SRGAP3: variants seen among roughly 807,000 people sequenced by gnomAD.
SRGAP3 encodes SLIT-ROBO Rho GTPase-activating protein 3.
In SRGAP3, 39 loss-of-function variants were observed where a neutral mutation model predicts 121.1. The ratio of observed to expected loss-of-function variants is 0.32; its 90% CI spans 0.25 to 0.42. The LOEUF is 0.42. Among genes scored for constraint, SRGAP3 ranks in the 10% least tolerant of loss-of-function variants. The pLI is 1.00. For missense variants in SRGAP3, 1,213 were observed against 1,470.6 expected (o/e 0.82, Z 2.86); for synonymous variants, 601 against 570.0 (o/e 1.05, Z -0.77).
chr3:9,050,908 T>G (rs1341110133), intron 9 of SRGAP3, among the ~76,000 whole-genome samples: 1 of 152,164 alleles, frequency 6.6e-6, no homozygotes, highest in African/African-American at 2.4e-5. Context: ...ACTACTGGTT[T>G]TTGACAAGGG....
At chr3:9,172,908 A>T (rs1475078449) in intron 1 of SRGAP3, among the ~76,000 whole-genome samples, 1 of 152,034 alleles carries the variant, frequency 6.6e-6, no homozygotes, top group African/African-American at 2.4e-5. Flanking sequence ...GGTAGATGAG[A>T]CTCTAGGTGG....
chr3:9,088,536 G>A (rs1002014592), intron 3 of SRGAP3, among the ~76,000 whole-genome samples: 3 of 152,086 alleles, frequency 2.0e-5, no homozygotes, highest in African/African-American at 4.8e-5. Flanking sequence ...GCCTCCACCC[G>A]TGAGAGGCCA....
chr3:9,230,850 C>A (rs1439580590), intron 1 of SRGAP3, among the ~76,000 whole-genome samples: 1 of 144,080 alleles, frequency 6.9e-6, no homozygotes, highest in Non-Finnish European at 1.5e-5. Flanking sequence ...GAGTAAGACC[C>A]TATCTCAAAA....
At chr3:9,217,711 A>ATTGT (rs1221237635) in intron 1 of SRGAP3, 14 of 152,140 alleles carry the variant, frequency 9.2e-5, no homozygotes, top group Non-Finnish European at 1.5e-5. Flanking sequence ...AAATGTCTAC[A>ATTGT]TTGTCCTTAT....
intron 1 of SRGAP3, among the ~76,000 whole-genome samples, chr3:9,190,063 TC>T (rs1448139057): frequency 6.6e-6 from 1 of 152,130 alleles, no homozygotes; most frequent in African/African-American, 2.4e-5. Flanking sequence ...ACAAGAGTGG[TC>T]AAGTAACCCA....
intron 3 of SRGAP3, among the ~76,000 whole-genome samples, chr3:9,084,698 G>A (rs955730339): frequency 3.3e-5 from 5 of 152,126 alleles, no homozygotes; most frequent in African/African-American, 1.2e-4. Flanking sequence ...CATCACCACA[G>A]ACCCAGATTC....
chr3:9,189,739 T>C (rs1283038249), intron 1 of SRGAP3, among the ~76,000 whole-genome samples: 1 of 152,210 alleles, frequency 6.6e-6, no homozygotes, highest in Non-Finnish European at 1.5e-5. Flanking sequence ...CCTTCACATC[T>C]CTGTCATTCC....
intron 3 of SRGAP3, among the ~76,000 whole-genome samples, chr3:9,083,701 C>T (rs1329790988): frequency 1.3e-5 from 2 of 152,230 alleles, no homozygotes; most frequent in African/African-American, 4.8e-5. Context: ...TGTGCTGTCA[C>T]TGTGCATATG....
rs71049772 is a variant in SRGAP3 at position 9,126,618 on chromosome 3, AAACT to A, written c.68-1705_68-1702del. Among the ~76,000 whole-genome samples, 1,227 of 150,868 alleles carry A rather than the reference AAACT, an allele frequency of 8.1e-3. 20 individuals are homozygous for A. Among genetic ancestry groups the A allele is most frequent in the African/African-American group, 0.027 (1,118 of 40,828 alleles). On this transcript the variant is annotated intron_variant, in intron 1 of 21. Coordinates refer to ENST00000383836, the MANE Select transcript of SRGAP3 (RefSeq NM_014850.4). ...GCGACAGAGCAAGACCCTGTCTCAAAAACTAACTAACTAACTAACTAACTAACTA... is the reference window on the plus strand; with the variant it reads ...GCGACAGAGCAAGACCCTGTCTCAAAAACTAACTAACTAACTAACTAACTA...
chr3:9,285,765 C>A (rs1390131248), intron 3 of SRGAP3, among the ~76,000 whole-genome samples: 1 of 114,680 alleles, frequency 8.7e-6, no homozygotes, highest in African/African-American at 3.3e-5. Flanking sequence ...TGACGCCCCA[C>A]CTCAAAAAAA....
At chr3:9,037,375 G>A (rs948438454) in intron 11 of SRGAP3, 2 of 152,712 alleles carry the variant, frequency 1.3e-5, no homozygotes, top group Admixed American at 6.5e-5. Context: ...CTCTCTGAAA[G>A]GGAAGTAAAG....
intron 1 of SRGAP3, among the ~76,000 whole-genome samples, chr3:9,172,880 A>G (rs1054211073): frequency 5.3e-5 from 8 of 152,328 alleles, no homozygotes; most frequent in African/African-American, 1.9e-4. Context: ...GGGCCATTGC[A>G]GAGGCTATGT....
intron 2 of SRGAP3, among the ~76,000 whole-genome samples, chr3:9,114,792 C>A (rs1948746055): frequency 6.6e-6 from 1 of 152,136 alleles, no homozygotes; most frequent in South Asian, 2.1e-4. Flanking sequence ...AGGAAAAGAC[C>A]CCGATCCATG....
At chr3:9,017,958 C>T (rs1943721718) in intron 14 of SRGAP3, among the ~76,000 whole-genome samples, 1 of 152,164 alleles carries the variant, frequency 6.6e-6, no homozygotes, top group Admixed American at 6.5e-5. Context: ...CTTATTTCTT[C>T]TATCTAATTC....
At chr3:9,072,580 C>T (rs1297963870) in intron 4 of SRGAP3, among the ~76,000 whole-genome samples, 1 of 152,216 alleles carries the variant, frequency 6.6e-6, no homozygotes, top group East Asian at 1.9e-4. Context: ...AGCTGCCCTG[C>T]CCTAAGTCTG....
At chr3:9,066,392 C>G (rs374511583) in intron 4 of SRGAP3, among the ~76,000 whole-genome samples, 5 of 152,338 alleles carry the variant, frequency 3.3e-5, no homozygotes, top group East Asian at 1.9e-4. Flanking sequence ...TCTAACCAAG[C>G]CCTGTAAGTC....
intron 3 of SRGAP3, among the ~76,000 whole-genome samples, chr3:9,267,347 A>C (rs960939757): frequency 1.3e-5 from 2 of 152,238 alleles, no homozygotes; most frequent in African/African-American, 4.8e-5. Context: ...GATAAAAACC[A>C]GAAATGATGG....
chr3:9,066,942 G>A (rs751301751), intron 4 of SRGAP3, among the ~76,000 whole-genome samples: 11 of 152,184 alleles, frequency 7.2e-5, no homozygotes, highest in Non-Finnish European at 1.5e-4. Flanking sequence ...GAATCCTGAT[G>A]GTCCCACTCC....
At chr3:9,190,211 C>T (rs971450473) in intron 1 of SRGAP3, among the ~76,000 whole-genome samples, 1 of 152,152 alleles carries the variant, frequency 6.6e-6, no homozygotes. Context: ...AAAGTCAATT[C>T]GCATTGGAAA....
Sources: allele counts gnomAD v4.1 joint callset (sites outside exome capture counted in the v4.1 genomes callset), GRCh38; gene constraint gnomAD v4.1.1; transcripts MANE v1.5; gene names NCBI Gene and HGNC (gene_info 2026-07-23, HGNC 2026-07-21).